GGNBP2: variants seen among roughly 807,000 people sequenced by gnomAD.
GGNBP2 encodes the protein gametogenetin-binding protein 2.
Under a neutral mutation model 85.9 loss-of-function variants are expected in GGNBP2, and 10 were observed. The ratio of observed to expected loss-of-function variants is 0.12; its 90% CI spans 0.07 to 0.20. GGNBP2 has a LOEUF of 0.20. Ranked by LOEUF, GGNBP2 falls within the 10% of genes least tolerant of loss-of-function variation. GGNBP2 has a pLI of 1.00. For synonymous variants in GGNBP2, 287 were observed against 285.7 expected, an observed-to-expected ratio of 1.00 and a Z score of -0.05; for missense variants, 595 against 857.8, an observed-to-expected ratio of 0.69 and a Z score of 3.83.
At position 36,576,595 on chromosome 17, in the gene GGNBP2, ATGTGTGTGTGTG is replaced by A. The variant is rs71159620; in HGVS notation, c.642-1364_642-1353del. ...AAAAAAAAAAAAAAAATATATATAT[ATGTGTGTGTGTG>A]TGTGTGTGTGTGTGTGTGTGTGTAT... On this transcript the variant is annotated intron_variant, in intron 6 of 13. Transcript: ENST00000613102. 1.2e-3 allele frequency: 61 copies of A among 51,494 alleles called. 2 individuals carry two copies. Among genetic ancestry groups the A allele is most frequent in the East Asian group, 1.2e-3 (2 of 1,604 alleles). 3.2% of individuals were successfully genotyped at this position (51,494 alleles called of 1,614,324 possible). A position where few individuals can be genotyped will look rare whatever the true frequency, so the allele number is the denominator to read the frequency against.
intron 4 of GGNBP2, among the ~76,000 whole-genome samples, chr17:36,558,259 C>G (rs1242917514): frequency 4.7e-5 from 7 of 149,720 alleles, no homozygotes; most frequent in Non-Finnish European, 7.4e-5. Flanking sequence ...ACTAAAAATA[C>G]AAAAAATTAG....
At chr17:36,559,777 A>G (rs1230484809) in intron 4 of GGNBP2, among the ~76,000 whole-genome samples, 2 of 152,234 alleles carry the variant, frequency 1.3e-5, no homozygotes, top group African/African-American at 2.4e-5. Context: ...ATAATGGTAG[A>G]GGTGATAAGA....
intron 9 of GGNBP2, among the ~76,000 whole-genome samples, chr17:36,584,527 G>A (rs987519986): frequency 6.6e-6 from 1 of 152,068 alleles, no homozygotes; most frequent in Admixed American, 6.6e-5. Context: ...TAGTAGAGAC[G>A]GGGTCTCACC....
At chr17:36,588,639 A>G in intron 13 of GGNBP2, among the ~76,000 whole-genome samples, 1 of 149,562 alleles carries the variant, frequency 6.7e-6, no homozygotes, top group Non-Finnish European at 1.5e-5. Context: ...TCTGTCGCCC[A>G]GGCTAGATAG....
chr17:36,546,159 A>G (rs985681248), intron 2 of GGNBP2: 6 of 401,450 alleles, frequency 1.5e-5, no homozygotes, highest in South Asian at 1.1e-4. Flanking sequence ...CCTACCCCAT[A>G]CAGAAACCAC....
At chr17:36,548,542 GA>G (rs1172558166) in intron 2 of GGNBP2, among the ~76,000 whole-genome samples, 6 of 145,748 alleles carry the variant, frequency 4.1e-5, no homozygotes, top group Non-Finnish European at 8.9e-5. Context: ...ATGAACCCGG[GA>G]GGTGGAGGTT....
At chr17:36,548,885 C>T (rs947461234) in intron 2 of GGNBP2, among the ~76,000 whole-genome samples, 5 of 151,564 alleles carry the variant, frequency 3.3e-5, no homozygotes, top group African/African-American at 1.2e-4. Context: ...GCGGAGGTTG[C>T]AGTGAGCCAA....
At chr17:36,558,122 AAAG>A (rs1423281283) in intron 4 of GGNBP2, among the ~76,000 whole-genome samples, 1 of 151,010 alleles carries the variant, frequency 6.6e-6, no homozygotes, top group African/African-American at 2.5e-5. Context: ...AAAAAGAAAA[AAAG>A]AAGAGCGACT....
In GGNBP2 at chr17:36,577,972, C is replaced by A. The variant is rs748522090; in HGVS notation, c.642-11C>A. The A allele has an allele frequency of 1.9e-6, 3 of 1,609,830 alleles. No homozygotes were observed. Among genetic ancestry groups the A allele is most frequent in the Non-Finnish European group, 1.7e-6 (2 of 1,176,744 alleles). The stretch of plus-strand genomic sequence containing the variant: ...GCCATTTCTTAATTTTAAGGTTTTT[C>A]TTTTCAACAGGTTTTGCACTGATTG... On this transcript the variant is annotated splice_polypyrimidine_tract_variant and intron_variant, in intron 6 of 13. Coordinates refer to ENST00000613102, the MANE Select transcript of GGNBP2 (RefSeq NM_024835.5).
intron 9 of GGNBP2, among the ~76,000 whole-genome samples, chr17:36,583,635 G>T (rs1217216365): frequency 1.3e-5 from 2 of 151,546 alleles, no homozygotes; most frequent in Non-Finnish European, 2.9e-5. Context: ...ATTTTTTTTT[G>T]TATTTTTAGT....
intron 6 of GGNBP2, among the ~76,000 whole-genome samples, chr17:36,568,165 C>G (rs539102360): frequency 5.9e-4 from 90 of 152,242 alleles, no homozygotes; most frequent in African/African-American, 2.0e-3. Context: ...ACCTTGTGAT[C>G]CACCAACCTC....
chr17:36,545,977 G>GGCTC, intron 2 of GGNBP2, 160 bp downstream of exon 2: 1 of 568,096 alleles, frequency 1.8e-6, no homozygotes, highest in Non-Finnish European at 3.2e-6. Flanking sequence ...CCTTTGCAGT[G>GGCTC]GGTGGCTCGG....
At chr17:36,545,397 AGGCCGGCGGGCG>A (rs1184931974) in intron 1 of GGNBP2, 3 of 185,206 alleles carry the variant, frequency 1.6e-5, no homozygotes, top group Non-Finnish European at 2.6e-5. Flanking sequence ...CCCTGACTGG[AGGCCGGCGGGCG>A]GGCGGGCGGG....
intron 2 of GGNBP2, 110 bp downstream of exon 2, chr17:36,545,927 C>T: frequency 1.3e-6 from 1 of 743,602 alleles, no homozygotes; most frequent in Non-Finnish European, 2.2e-6. Flanking sequence ...TGTTGCAACT[C>T]CTAGGCGAGG....
At chr17:36,581,741 TAAA>T (rs1382531307) in intron 9 of GGNBP2, 1 of 348,618 alleles carries the variant, frequency 2.9e-6, no homozygotes. Context: ...ATTTTTTTAA[TAAA>T]AATAAAAAGT....
intron 9 of GGNBP2, chr17:36,582,524 T>C (rs2142779921): frequency 6.6e-6 from 1 of 152,402 alleles, no homozygotes; most frequent in Non-Finnish European, 1.5e-5. Flanking sequence ...GTTGAATTTA[T>C]GGATGCAGCA....
intron 6 of GGNBP2, chr17:36,574,782 G>A (rs2142756614): frequency 1.5e-6 from 1 of 648,964 alleles, no homozygotes; most frequent in East Asian, 2.7e-5. Flanking sequence ...GAGCCGTGGT[G>A]GCCTGTCGGC....
chr17:36,567,263 T>C (rs1207098359), intron 5 of GGNBP2, among the ~76,000 whole-genome samples: 1 of 152,194 alleles, frequency 6.6e-6, no homozygotes, highest in Non-Finnish European at 1.5e-5. Context: ...GAAGTTTTTA[T>C]ATAAAGATAT....
At chr17:36,574,797 A>C in intron 6 of GGNBP2, 2 of 654,790 alleles carry the variant, frequency 3.1e-6, no homozygotes, top group East Asian at 5.4e-5. Context: ...GTCGGCTTGC[A>C]AGGGATGGTG....
Sources: allele counts gnomAD v4.1 joint callset (sites outside exome capture counted in the v4.1 genomes callset), GRCh38; gene constraint gnomAD v4.1.1; transcripts MANE v1.5; gene names NCBI Gene and HGNC (gene_info 2026-07-23, HGNC 2026-07-21).